The following SLC16A9 variants were observed in gnomAD, a reference collection of about 807,000 sequenced individuals.
SLC16A9 encodes the protein solute carrier family 16 member 9.
Under a neutral mutation model 44.3 loss-of-function variants are expected in SLC16A9, and 26 were observed. That is an observed-to-expected ratio of 0.59 (90% CI 0.43 to 0.81). The LOEUF (loss-of-function observed/expected upper bound fraction) is 0.81. Among genes scored for constraint, SLC16A9 ranks in the 40% least tolerant of loss-of-function variants. The pLI is 0.00. For synonymous variants in SLC16A9, 230 were observed against 225.1 expected (o/e 1.02, Z -0.19); for missense variants, 559 against 595.8 (o/e 0.94, Z 0.64).
intron 1 of SLC16A9, among the ~76,000 whole-genome samples, chr10:59,691,962 A>T (rs915537700): frequency 2.0e-5 from 3 of 152,246 alleles, no homozygotes; most frequent in Non-Finnish European, 4.4e-5. Context: ...TTTTCAGCTG[A>T]CAGTTTCCTG....
chr10:59,698,992 C>A (rs1840462423), intron 1 of SLC16A9, among the ~76,000 whole-genome samples: 1 of 152,128 alleles, frequency 6.6e-6, no homozygotes, highest in Non-Finnish European at 1.5e-5. Context: ...GATCTGTCTG[C>A]CTCAGCCTCC....
In SLC16A9 at chr10:59,677,040, A is replaced by G. The variant is rs115250038; in HGVS notation, c.197-4127T>C. On this transcript the variant is annotated intron_variant, in intron 2 of 5. Coordinates refer to ENST00000395348, the MANE Select transcript of SLC16A9 (RefSeq NM_194298.3). Reference sequence around the variant, plus strand: ...ATGTAATTTTGGAATAAAATGCAAGACAGTAAGAAGATAATAGGAACTTCA... The same window carrying G: ...ATGTAATTTTGGAATAAAATGCAAGGCAGTAAGAAGATAATAGGAACTTCA... Among the ~76,000 whole-genome samples, 1,360 of 145,886 alleles carry G rather than the reference A, an allele frequency of 9.3e-3. 18 individuals are homozygous for G. Among genetic ancestry groups the G allele is most frequent in the African/African-American group, 0.029 (1,155 of 39,602 alleles).
At chr10:59,699,441 G>A (rs534122532) in intron 1 of SLC16A9, among the ~76,000 whole-genome samples, 8 of 152,184 alleles carry the variant, frequency 5.3e-5, no homozygotes, top group African/African-American at 1.7e-4. Context: ...AGAAAATTTC[G>A]CATAAGGAAT....
chr10:59,677,342 C>T (rs1255162971), intron 2 of SLC16A9, among the ~76,000 whole-genome samples: 1 of 152,044 alleles, frequency 6.6e-6, no homozygotes, highest in African/African-American at 2.4e-5. Context: ...CCTCCTGCCT[C>T]AGCCTCCCAA....
At chr10:59,681,960 T>C (rs1277705736) in intron 2 of SLC16A9, among the ~76,000 whole-genome samples, 1 of 151,846 alleles carries the variant, frequency 6.6e-6, no homozygotes, top group African/African-American at 2.4e-5. Flanking sequence ...TCTTGAATTA[T>C]TTGCCCTCAT....
intron 1 of SLC16A9, among the ~76,000 whole-genome samples, chr10:59,684,840 G>A (rs1047670556): frequency 6.6e-6 from 1 of 152,214 alleles, no homozygotes; most frequent in African/African-American, 2.4e-5. Flanking sequence ...TGAGCTGGGT[G>A]CTGGGAGCTG....
intron 4 of SLC16A9, among the ~76,000 whole-genome samples, chr10:59,660,801 C>T (rs1008936592): frequency 3.3e-5 from 5 of 152,156 alleles, no homozygotes; most frequent in Admixed American, 2.6e-4. Flanking sequence ...AAAGCTTATC[C>T]ACCACGATCA....
chr10:59,681,792 GTAT>G (rs1564706082), intron 2 of SLC16A9, among the ~76,000 whole-genome samples: 3 of 38,584 alleles, frequency 7.8e-5, no homozygotes, highest in East Asian at 8.2e-4. Context: ...TGATGTATAT[GTAT>G]ATGTATATGT....
At position 59,654,424 on chromosome 10, in the gene SLC16A9, T is replaced by G. The variant is rs1214252060; in HGVS notation, c.602A>C (p.Lys201Thr). Residue 201 changes from lysine to threonine, a missense_variant, in exon 5 of 6, where the codon AAA becomes ACA. Physicochemically the swap from Lys to Thr is moderately conservative, Grantham distance 78 (BLOSUM62 -1). Transcript: ENST00000395348. ...LQSSDCPLPKKIAPEDLPDKY... is the reference protein window; with the variant it reads ...LQSSDCPLPKTIAPEDLPDKY... ...ATCTGGTAGATCTTCTGGAGCTATT[T>G]TTTTAGGCAAAGGACAATCAGAAGA... The G allele has an allele frequency of 1.2e-6, 2 of 1,613,590 alleles. No homozygotes were observed. The highest frequency in any genetic ancestry group is 3.3e-5 in the Admixed American group (2 of 60,008).
chr10:59,690,128 C>G (rs1284593941), intron 1 of SLC16A9, among the ~76,000 whole-genome samples: 2 of 152,080 alleles, frequency 1.3e-5, no homozygotes, highest in Non-Finnish European at 2.9e-5. Context: ...TGAGCCATAA[C>G]AGTGAGCCAT....
intron 2 of SLC16A9, among the ~76,000 whole-genome samples, chr10:59,680,264 A>G (rs1477183226): frequency 6.6e-6 from 1 of 152,222 alleles, no homozygotes; most frequent in Non-Finnish European, 1.5e-5. Flanking sequence ...AGGAATTAAG[A>G]TTATAAAGAG....
rs1384884784 is a variant in SLC16A9 at position 59,684,209 on chromosome 10, C to T, written c.83G>A (p.Gly28Glu). 1.2e-6 allele frequency: 2 copies of T among 1,614,050 alleles called. No homozygotes were observed. The change falls in exon 2 of 6, where the codon GGA becomes GAA. Residue 28 changes from glycine (G) to glutamate (E), a missense_variant. Gly to Glu is a moderately conservative substitution (Grantham distance 98). Transcript: ENST00000395348. Reference sequence around the variant, plus strand: ...CAGGACTCCAACAGCTAGTGGGGATCCGTAACACAAAAACTGAGTAAGGAA... The same window carrying T: ...CAGGACTCCAACAGCTAGTGGGGATTCGTAACACAAAAACTGAGTAAGGAA... ...VSFLTQFLCY[G>E]SPLAVGVLYI...
chr10:59,709,105 G>A (rs1171260605), intron 1 of SLC16A9, among the ~76,000 whole-genome samples: 1 of 152,130 alleles, frequency 6.6e-6, no homozygotes, highest in Non-Finnish European at 1.5e-5. Context: ...TGCATCACAT[G>A]CACCTCTCCC....
rs972914945 is a variant in SLC16A9, at chr10:59,652,459, T to C, written c.*313A>G. The C allele has an allele frequency of 1.1e-5, 2 of 190,160 alleles. No homozygotes were observed. Among genetic ancestry groups the C allele is most frequent in the Admixed American group, 1.2e-4 (2 of 16,918 alleles). 11.8% of individuals were successfully genotyped at this position (190,160 alleles called of 1,614,324 possible). A position where few individuals can be genotyped will look rare whatever the true frequency, so the allele number is the denominator to read the frequency against. Reference sequence around the variant, plus strand: ...AATGGAGTCGGCAGAGAAATTATACTTCTTTACACAGAGAAAGCCTTCTGA... The same window carrying C: ...AATGGAGTCGGCAGAGAAATTATACCTCTTTACACAGAGAAAGCCTTCTGA... On this transcript the variant is annotated 3_prime_UTR_variant, in exon 6 of 6. Transcript: ENST00000395348.
In SLC16A9 at chr10:59,652,720, T is replaced by G; in HGVS notation, c.*52A>C. On this transcript the variant is annotated 3_prime_UTR_variant, in exon 6 of 6. Transcript: ENST00000395348. ...AAATTTGCTTGAGAATCTGTTAAAATATCGTTGCTATATGGTATAAAATAG... is the reference window on the plus strand; with the variant it reads ...AAATTTGCTTGAGAATCTGTTAAAAGATCGTTGCTATATGGTATAAAATAG... 3 of 1,470,210 alleles carry G rather than the reference T, an allele frequency of 2.0e-6. No individual in the cohort carries two copies. The highest frequency in any genetic ancestry group is 2.7e-6 in the Non-Finnish European group (3 of 1,100,300). The allele number at this position is 1,470,210 out of a possible 1,614,324, so 91.1% of individuals were successfully genotyped here.
intron 4 of SLC16A9, among the ~76,000 whole-genome samples, chr10:59,658,971 C>T (rs1012070197): frequency 2.0e-5 from 3 of 152,064 alleles, no homozygotes; most frequent in African/African-American, 7.2e-5. Context: ...CCAGGGTTAC[C>T]CACCTACCAG....
chr10:59,661,057 G>C (rs1475673943), intron 4 of SLC16A9, among the ~76,000 whole-genome samples: 2 of 152,120 alleles, frequency 1.3e-5, no homozygotes, highest in African/African-American at 4.8e-5. Context: ...ATATTGAATG[G>C]GCAAAAGCTG....
chr10:59,664,725 C>T (rs1320211013), intron 3 of SLC16A9, among the ~76,000 whole-genome samples: 1 of 152,130 alleles, frequency 6.6e-6, no homozygotes, highest in African/African-American at 2.4e-5. Context: ...TCTTCTAAGT[C>T]CTCTAAACAA....
rs112393577 is a variant in SLC16A9, at chr10:59,668,921, G to A, written c.340+3849C>T. Among the ~76,000 whole-genome samples, 277 of 152,208 alleles carry A rather than the reference G, an allele frequency of 1.8e-3. 1 individual carries two copies. Among genetic ancestry groups the A allele is most frequent in the African/African-American group, 6.5e-3 (271 of 41,538 alleles). Reference sequence around the variant, plus strand: ...CTATTTCTACTAAAGCAAATATACAGGAAATGCTCTTTATCTCATTTGGCA... The same window carrying A: ...CTATTTCTACTAAAGCAAATATACAAGAAATGCTCTTTATCTCATTTGGCA... On this transcript the variant is annotated intron_variant, in intron 3 of 5. Coordinates refer to ENST00000395348, the MANE Select transcript of SLC16A9 (RefSeq NM_194298.3).
Sources: allele counts gnomAD v4.1 joint callset (sites outside exome capture counted in the v4.1 genomes callset), GRCh38; gene constraint gnomAD v4.1.1; transcripts MANE v1.5; gene names NCBI Gene and HGNC (gene_info 2026-07-23, HGNC 2026-07-21).